FHIT: variants seen among roughly 807,000 people sequenced by gnomAD.
FHIT encodes the protein fragile histidine triad diadenosine triphosphatase.
Under a neutral mutation model 17.9 loss-of-function variants are expected in FHIT, and 19 were observed. The ratio of observed to expected loss-of-function variants is 1.06; its 90% CI spans 0.74 to 1.56. The LOEUF is 1.56. FHIT is among the 40% of genes most tolerant of loss of function. FHIT has a pLI of 0.00. For synonymous variants in FHIT, 81 were observed against 69.7 expected, an observed-to-expected ratio of 1.16 and a Z score of -0.81; for missense variants, 248 against 189.2, an observed-to-expected ratio of 1.31 and a Z score of -1.82.
At chr3:60,928,909 CAA>C (rs1344753587) in intron 3 of FHIT, among the ~76,000 whole-genome samples, 1 of 151,940 alleles carries the variant, frequency 6.6e-6, no homozygotes, top group Non-Finnish European at 1.5e-5. Context: ...AGAGACACAA[CAA>C]AAAAAGACAA....
intron 1 of FHIT, among the ~76,000 whole-genome samples, chr3:61,223,601 G>A (rs970190064): frequency 1.3e-5 from 2 of 152,152 alleles, no homozygotes; most frequent in African/African-American, 4.8e-5. Context: ...CCAATAATGT[G>A]CAAAGTACAC....
chr3:60,885,049 G>A (rs1249077535), intron 3 of FHIT, among the ~76,000 whole-genome samples: 1 of 152,026 alleles, frequency 6.6e-6, no homozygotes, highest in African/African-American at 2.4e-5. Flanking sequence ...GCCTGGAAAG[G>A]GTGGCAAGAG....
rs938686418 is a variant in FHIT at position 60,725,968 on chromosome 3, G to C, written c.-18+95951C>G. Among the ~76,000 whole-genome samples, 3 of 152,242 alleles carry C rather than the reference G, an allele frequency of 2.0e-5. No homozygotes were observed. In the East Asian group the frequency reaches 5.8e-4, roughly 29 times the overall value. On this transcript the variant is annotated intron_variant, in intron 4 of 9. Transcript: ENST00000492590. ...TTTCCTTAGGTCATAGAACAAGCAG[G>C]AAAACCGATTTAAAAAAATTGAGGG...
intron 5 of FHIT, among the ~76,000 whole-genome samples, chr3:60,498,174 C>T (rs906997988): frequency 2.6e-5 from 4 of 152,134 alleles, no homozygotes; most frequent in Admixed American, 2.6e-4. Flanking sequence ...AGCAAAAATG[C>T]AACCAGTTTA....
At chr3:60,449,424 G>T (rs895976582) in intron 5 of FHIT, among the ~76,000 whole-genome samples, 2 of 118,004 alleles carry the variant, frequency 1.7e-5, no homozygotes, top group Non-Finnish European at 1.6e-5. Context: ...CATCATATGC[G>T]CATACACACA....
intron 5 of FHIT, among the ~76,000 whole-genome samples, chr3:60,396,940 T>G (rs1244684741): frequency 1.2e-4 from 18 of 152,128 alleles, no homozygotes; most frequent in Admixed American, 1.2e-3. Flanking sequence ...ATATCTAAGT[T>G]TAATTTGGGA....
intron 4 of FHIT, among the ~76,000 whole-genome samples, chr3:60,718,802 A>T (rs767135414): frequency 3.9e-5 from 6 of 152,156 alleles, no homozygotes; most frequent in Non-Finnish European, 5.9e-5. Context: ...AATTAAACAA[A>T]TTTTTTTGAC....
chr3:60,238,398 T>C (rs1472887037), intron 5 of FHIT, among the ~76,000 whole-genome samples: 1 of 145,510 alleles, frequency 6.9e-6, no homozygotes, highest in Non-Finnish European at 1.5e-5. Context: ...AAGAAAGCCA[T>C]GGTTTTATTA....
chr3:60,522,760 C>T (rs373658191), intron 5 of FHIT, among the ~76,000 whole-genome samples: 25 of 152,156 alleles, frequency 1.6e-4, no homozygotes, highest in African/African-American at 5.8e-4. Flanking sequence ...CACATTTCTG[C>T]ATTTTTCTGA....
chr3:60,368,175 A>G (rs1700185598), intron 5 of FHIT, among the ~76,000 whole-genome samples: 1 of 149,638 alleles, frequency 6.7e-6, no homozygotes, highest in Non-Finnish European at 1.5e-5. Flanking sequence ...GGAACTGTAA[A>G]ATCATAAAAC....
chr3:61,100,611 T>A (rs896177816), intron 2 of FHIT, among the ~76,000 whole-genome samples: 1 of 152,212 alleles, frequency 6.6e-6, no homozygotes, highest in Admixed American at 6.5e-5. Flanking sequence ...GTAATTCTAG[T>A]TCTAGATAAT....
At chr3:60,764,330 C>G (rs757852798) in intron 4 of FHIT, among the ~76,000 whole-genome samples, 1 of 152,074 alleles carries the variant, frequency 6.6e-6, no homozygotes, top group Admixed American at 6.6e-5. Flanking sequence ...GTCAAGGATA[C>G]AGAAAACTCC....
intron 7 of FHIT, among the ~76,000 whole-genome samples, chr3:59,961,125 T>A (rs3772464): frequency 1.3e-5 from 2 of 152,002 alleles, no homozygotes; most frequent in African/African-American, 2.4e-5. Flanking sequence ...AAATTTACCA[T>A]GACTAATTGG....
At chr3:61,132,539 C>T (rs571404286) in intron 2 of FHIT, among the ~76,000 whole-genome samples, 2 of 152,166 alleles carry the variant, frequency 1.3e-5, no homozygotes, top group Admixed American at 1.3e-4. Flanking sequence ...ATGGGGATGC[C>T]GATAAGGAGT....
In FHIT at chr3:60,190,486, C is replaced by T. The variant is rs910709796; in HGVS notation, c.104-176334G>A. On this transcript the variant is annotated intron_variant, in intron 5 of 9. Coordinates refer to ENST00000492590, the MANE Select transcript of FHIT (RefSeq NM_002012.4). ...AGGGAGGGCTGGGCACGGTGGCTCA[C>T]ACCTGTAATCCCAGCACTTTAGGAG... Among the ~76,000 whole-genome samples, 128 of 152,206 alleles carry T rather than the reference C, an allele frequency of 8.4e-4. 1 individual carries two copies. Among genetic ancestry groups the T allele is most frequent in the African/African-American group, 3.0e-3 (124 of 41,536 alleles).
intron 2 of FHIT, among the ~76,000 whole-genome samples, chr3:61,186,027 T>C (rs2038497142): frequency 6.6e-6 from 1 of 152,212 alleles, no homozygotes; most frequent in Non-Finnish European, 1.5e-5. Flanking sequence ...AACAATATAA[T>C]TAACCTGCAC....
chr3:59,927,255 C>T (rs1705707772), intron 7 of FHIT, among the ~76,000 whole-genome samples: 2 of 152,072 alleles, frequency 1.3e-5, no homozygotes, highest in Admixed American at 6.5e-5. Context: ...GAGGCTGATT[C>T]ATAGAGAAAG....
intron 5 of FHIT, among the ~76,000 whole-genome samples, chr3:60,518,730 T>G (rs188657578): frequency 7.9e-5 from 12 of 152,312 alleles, no homozygotes; most frequent in Non-Finnish European, 1.8e-4. Flanking sequence ...ATATGCAGGC[T>G]GGGTGCGCTG....
intron 7 of FHIT, among the ~76,000 whole-genome samples, chr3:59,986,695 T>TATATATTTATATAAATGTATAC (rs1708947706): frequency 8.9e-5 from 1 of 11,240 alleles, no homozygotes; most frequent in Non-Finnish European, 1.5e-4. Context: ...TTTAGTTTTA[T>TATATATTTATATAAATGTATAC]ATATATTTAT....
Sources: allele counts gnomAD v4.1 joint callset (sites outside exome capture counted in the v4.1 genomes callset), GRCh38; gene constraint gnomAD v4.1.1; transcripts MANE v1.5; gene names NCBI Gene and HGNC (gene_info 2026-07-23, HGNC 2026-07-21).